TRABD2B: variants seen among roughly 807,000 people sequenced by gnomAD.
TRABD2B encodes the protein metalloprotease TIKI2.
TRABD2B carries 14 observed loss-of-function variants against 40.1 expected under a neutral mutation model. That is an observed-to-expected ratio of 0.35 (90% confidence interval 0.23 to 0.55). The LOEUF is 0.55. Among genes scored for constraint, TRABD2B ranks in the 20% least tolerant of loss-of-function variants. The pLI is 0.90. For missense variants in TRABD2B, 541 were observed against 648.6 expected (o/e 0.83, Z 1.80); for synonymous variants, 263 against 277.0 (o/e 0.95, Z 0.50).
At chr1:47,842,119 G>A (rs1406170026) in intron 2 of TRABD2B, among the ~76,000 whole-genome samples, 2 of 152,184 alleles carry the variant, frequency 1.3e-5, no homozygotes, top group African/African-American at 4.8e-5. Context: ...GCTGGCTCCT[G>A]TGAAAATTTA....
chr1:47,961,055 C>A (rs979309081), intron 2 of TRABD2B, among the ~76,000 whole-genome samples: 1 of 152,118 alleles, frequency 6.6e-6, no homozygotes, highest in Non-Finnish European at 1.5e-5. Context: ...AGAAATAATG[C>A]CGCATATCTA....
At chr1:47,891,679 G>A (rs1481891562) in intron 2 of TRABD2B, among the ~76,000 whole-genome samples, 1 of 152,114 alleles carries the variant, frequency 6.6e-6, no homozygotes, top group African/African-American at 2.4e-5. Context: ...GTGCACGCTT[G>A]TAGTCCCAGC....
intron 2 of TRABD2B, among the ~76,000 whole-genome samples, chr1:47,984,338 G>A (rs1013979874): frequency 6.6e-6 from 1 of 152,246 alleles, no homozygotes; most frequent in African/African-American, 2.4e-5. Context: ...ACACACTGCG[G>A]CCCCCAAGGC....
chr1:47,938,787 C>T (rs923183373), intron 2 of TRABD2B, among the ~76,000 whole-genome samples: 3 of 152,228 alleles, frequency 2.0e-5, no homozygotes, highest in Non-Finnish European at 2.9e-5. Context: ...TGCACACAGC[C>T]GGAGAGAAGG....
chr1:47,857,634 T>A (rs1480627593), intron 2 of TRABD2B, among the ~76,000 whole-genome samples: 1 of 152,068 alleles, frequency 6.6e-6, no homozygotes, highest in East Asian at 1.9e-4. Flanking sequence ...CTGATCAACA[T>A]CAGTTTCCCA....
chr1:47,766,471 G>A (rs1210236295), intron 6 of TRABD2B, among the ~76,000 whole-genome samples: 1 of 152,162 alleles, frequency 6.6e-6, no homozygotes, highest in Non-Finnish European at 1.5e-5. Flanking sequence ...ACGTACACAG[G>A]TGCCCTGCCT....
At chr1:47,963,020 G>GCATC (rs1003020233) in intron 2 of TRABD2B, among the ~76,000 whole-genome samples, 5 of 152,172 alleles carry the variant, frequency 3.3e-5, no homozygotes, top group South Asian at 2.1e-4. Flanking sequence ...TAGAATTTTG[G>GCATC]CATCCATCCA....
chr1:47,834,434 G>A (rs1339270750), intron 2 of TRABD2B, among the ~76,000 whole-genome samples: 1 of 152,194 alleles, frequency 6.6e-6, no homozygotes, highest in Non-Finnish European at 1.5e-5. Flanking sequence ...CCAGAGCTAT[G>A]TACATGCTCA....
chr1:47,913,962 TA>T (rs1467244458), intron 2 of TRABD2B, among the ~76,000 whole-genome samples: 1 of 152,172 alleles, frequency 6.6e-6, no homozygotes, highest in African/African-American at 2.4e-5. Flanking sequence ...AGCAACCGAA[TA>T]AATGGCAGAG....
At chr1:47,857,390 T>G (rs1171610235) in intron 2 of TRABD2B, among the ~76,000 whole-genome samples, 1 of 152,200 alleles carries the variant, frequency 6.6e-6, no homozygotes, top group Non-Finnish European at 1.5e-5. Context: ...CCACCGTTGC[T>G]GCATTAGCCC....
At chr1:47,825,216 T>C (rs1219551962) in intron 2 of TRABD2B, among the ~76,000 whole-genome samples, 1 of 152,192 alleles carries the variant, frequency 6.6e-6, no homozygotes, top group East Asian at 1.9e-4. Context: ...ATTTTGCAAA[T>C]GCAGAGAGTC....
At position 47,994,297 on chromosome 1, in the gene TRABD2B, A is replaced by C; in HGVS notation, c.403T>G (p.Trp135Gly). ...TTGCCCCGCTGAGCGGGCGTCATCC[A>C]GGAGGGCATCATCAACTTCACGTAG... is the stretch of plus-strand genomic sequence containing the variant. ...LDYVKLMMPS[W>G]MTPAQRGKGL... Residue 135 changes from tryptophan (W) to glycine (G), a missense_variant, in exon 2 of 7, where the codon TGG becomes GGG. Transcript: ENST00000606738. The surrounding 1 kb of genome is among the most constrained non-coding windows in gnomAD (Gnocchi z 6.7). The C allele has an allele frequency of 6.5e-7, 1 of 1,536,462 alleles. No homozygotes were observed. Among genetic ancestry groups the C allele is most frequent in the East Asian group, 2.4e-5 (1 of 40,920 alleles).
rs67359073 is a variant in TRABD2B at position 47,846,857 on chromosome 1, T to TACACAC, written c.667-45244_667-45239dup. 8.0e-3 allele frequency among the ~76,000 whole-genome samples: 848 copies of TACACAC among 106,484 alleles called. 10 individuals are homozygous for TACACAC. Among genetic ancestry groups the TACACAC allele is most frequent in the African/African-American group, 0.014 (429 of 31,398 alleles). The allele number at this position is 106,484 out of a possible 152,430, so 69.9% of individuals were successfully genotyped here. ...AGGCCAGGTTAAGTTAAAACATGCA[T>TACACAC]ACACACACACACACACACACACACA... On this transcript the variant is annotated intron_variant, in intron 2 of 6. Coordinates refer to ENST00000606738, the MANE Select transcript of TRABD2B (RefSeq NM_001194986.2).
rs1557572500 is a variant in TRABD2B at position 47,794,617 on chromosome 1, C to T, written c.957G>A (p.Glu319=). Residue 319 remains glutamate (E), a synonymous_variant, in exon 4 of 7, where the codon GAG becomes GAA. Transcript: ENST00000606738. ...KRVMALLREN[E]DKICFFAFGA... ...CGAAGGCAAAGAAGCAGATCTTGTC[C>T]TCGTTCTCCCGTAGAAGCGCCATGA... is the stretch of plus-strand genomic sequence containing the variant. The T allele has an allele frequency of 2.6e-6, 4 of 1,534,674 alleles. No homozygotes were observed. Among genetic ancestry groups the T allele is most frequent in the Non-Finnish European group, 3.5e-6 (4 of 1,145,688 alleles).
At chr1:47,931,869 T>C (rs186877516) in intron 2 of TRABD2B, among the ~76,000 whole-genome samples, 1 of 152,070 alleles carries the variant, frequency 6.6e-6, no homozygotes. Flanking sequence ...AACCCCAACA[T>C]CCAAGTAGTA....
intron 2 of TRABD2B, among the ~76,000 whole-genome samples, chr1:47,955,987 T>C (rs1000474905): frequency 1.3e-5 from 2 of 152,234 alleles, no homozygotes; most frequent in African/African-American, 2.4e-5. Flanking sequence ...GCCTACCTAG[T>C]TGGCTTCTGA....
chr1:47,773,691 T>C (rs1261064254), intron 6 of TRABD2B, among the ~76,000 whole-genome samples: 1 of 152,196 alleles, frequency 6.6e-6, no homozygotes, highest in South Asian at 2.1e-4. Flanking sequence ...GAACTGTGAG[T>C]CAATGAAACC....
chr1:47,860,599 G>A (rs1643952638), intron 2 of TRABD2B, among the ~76,000 whole-genome samples: 1 of 152,176 alleles, frequency 6.6e-6, no homozygotes, highest in African/African-American at 2.4e-5. Flanking sequence ...CATCTTATTA[G>A]TAAAATGAGG....
intron 2 of TRABD2B, among the ~76,000 whole-genome samples, chr1:47,869,441 G>A (rs933111157): frequency 2.6e-5 from 4 of 152,214 alleles, no homozygotes; most frequent in African/African-American, 9.6e-5. Context: ...ACCGATTTAA[G>A]CAAACATGCG....
Sources: gnomAD v4.1 joint callset for allele counts (sites outside exome capture counted in the v4.1 genomes callset) on GRCh38, gnomAD v4.1.1 for gene constraint, Gnocchi (gnomAD v3.1) non-coding constraint, MANE v1.5 for transcripts, NCBI Gene and HGNC (gene_info 2026-07-23, HGNC 2026-07-21) for gene names.